The following TFG variants were observed in gnomAD, a reference collection of about 807,000 sequenced individuals.
TFG encodes trafficking from ER to golgi regulator.
TFG carries 22 observed loss-of-function variants against 51.4 expected under a neutral mutation model. That is an observed-to-expected ratio of 0.43 (90% CI 0.31 to 0.61). The LOEUF (loss-of-function observed/expected upper bound fraction) is 0.61, where lower values mean the gene tolerates loss of function less well. Among genes scored for constraint, TFG ranks in the 20% least tolerant of loss-of-function variants. The pLI, the probability that TFG is intolerant of heterozygous loss-of-function variation, is 0.12. For synonymous variants in TFG, 187 were observed against 165.6 expected (o/e 1.13, Z -0.99); for missense variants, 419 against 487.7 (o/e 0.86, Z 1.33).
chr3:100,722,759 G>C (rs1576361257), intron 3 of TFG, among the ~76,000 whole-genome samples: 1 of 152,252 alleles, frequency 6.6e-6, no homozygotes, highest in Middle Eastern at 3.4e-3. Context: ...TAGAAAAGTA[G>C]CATCCTATAC....
chr3:100,728,277 A>G (rs1559713440), intron 3 of TFG, among the ~76,000 whole-genome samples: 1 of 151,912 alleles, frequency 6.6e-6, no homozygotes, highest in African/African-American at 2.4e-5. Flanking sequence ...GTATTTTTGT[A>G]TTATTTTAAG....
At chr3:100,745,850 G>A (rs967210837) in intron 7 of TFG, among the ~76,000 whole-genome samples, 2 of 152,092 alleles carry the variant, frequency 1.3e-5, no homozygotes, top group African/African-American at 4.8e-5. Flanking sequence ...ATTCTCTACT[G>A]CTACTTGGGC....
chr3:100,729,457 A>G (rs928771467), intron 4 of TFG, among the ~76,000 whole-genome samples: 5 of 152,196 alleles, frequency 3.3e-5, no homozygotes, highest in African/African-American at 1.2e-4. Flanking sequence ...AACTGACATA[A>G]TTTTGGGACC....
chr3:100,738,909 G>A (rs2095113978), intron 6 of TFG, among the ~76,000 whole-genome samples: 1 of 152,118 alleles, frequency 6.6e-6, no homozygotes, highest in Non-Finnish European at 1.5e-5. Context: ...CTATTAAAAA[G>A]TTAATTTTTT....
At chr3:100,711,860 A>G (rs1295782218) in intron 1 of TFG, among the ~76,000 whole-genome samples, 1 of 152,158 alleles carries the variant, frequency 6.6e-6, no homozygotes, top group South Asian at 2.1e-4. Flanking sequence ...GAGTTGGCAC[A>G]TAGTAGGTAT....
intron 3 of TFG, among the ~76,000 whole-genome samples, chr3:100,721,012 G>A (rs72928997): frequency 0.016 from 2,467 of 151,782 alleles, 58 homozygotes; most frequent in African/African-American, 0.056. Context: ...GATTTAATTT[G>A]TATCTATTTC....
chr3:100,736,445 A>T (rs562124673), intron 5 of TFG, 131 bp from the exon 6 acceptor site: 2 of 940,256 alleles, frequency 2.1e-6, no homozygotes, highest in Non-Finnish European at 3.1e-6. Context: ...CATTTAATGT[A>T]AAAAGGCGTA....
intron 6 of TFG, among the ~76,000 whole-genome samples, chr3:100,741,778 G>C (rs2095121910): frequency 6.6e-6 from 1 of 152,016 alleles, no homozygotes; most frequent in Non-Finnish European, 1.5e-5. Flanking sequence ...TATTTTCACT[G>C]TACCTTTTTT....
At chr3:100,715,819 C>T (rs1340263480) in intron 2 of TFG, among the ~76,000 whole-genome samples, 1 of 151,968 alleles carries the variant, frequency 6.6e-6, no homozygotes, top group Non-Finnish European at 1.5e-5. Context: ...CTCCTGTCCC[C>T]AGGCAATACT....
chr3:100,725,033 A>G (rs577948114), intron 3 of TFG, among the ~76,000 whole-genome samples: 3 of 152,306 alleles, frequency 2.0e-5, no homozygotes, highest in Non-Finnish European at 4.4e-5. Flanking sequence ...CTTCCCGAGT[A>G]GCTGGGACTA....
At chr3:100,720,558 A>G (rs753951057) in intron 3 of TFG, among the ~76,000 whole-genome samples, 6 of 152,184 alleles carry the variant, frequency 3.9e-5, no homozygotes, top group Non-Finnish European at 8.8e-5. Flanking sequence ...GCAATTCACA[A>G]TAGGGTTCAC....
chr3:100,711,565 T>C (rs189113409), intron 1 of TFG, among the ~76,000 whole-genome samples: 1 of 152,242 alleles, frequency 6.6e-6, no homozygotes, highest in Non-Finnish European at 1.5e-5. Context: ...GGGTCGGATG[T>C]AAAAACTGAT....
intron 1 of TFG, among the ~76,000 whole-genome samples, chr3:100,711,823 C>G (rs1326053178): frequency 1.3e-5 from 2 of 152,154 alleles, no homozygotes; most frequent in Non-Finnish European, 2.9e-5. Context: ...GGAATATTTA[C>G]CATCTTGGTG....
At chr3:100,739,486 G>T (rs991357756) in intron 6 of TFG, among the ~76,000 whole-genome samples, 4 of 152,082 alleles carry the variant, frequency 2.6e-5, no homozygotes, top group Non-Finnish European at 5.9e-5. Context: ...AATGTAACTG[G>T]TAAGGAGAAG....
Position 100,744,603 on chromosome 3 carries a change from A to T in TFG, c.722-230A>T. On this transcript the variant is annotated intron_variant, in intron 6 of 7. Transcript: ENST00000240851. ...ATGAAATGGTAGCCACTGGTGTTGC[A>T]CTTAATGTTTATTGCCAGTTAGTTC... is the stretch of plus-strand genomic sequence containing the variant. 3 of 358,520 alleles carry T rather than the reference A, an allele frequency of 8.4e-6. No individual in the cohort carries two copies. The South Asian group carries it at 3.0e-4, about 36-fold the overall frequency. 22.2% of individuals were successfully genotyped at this position (358,520 alleles called of 1,614,324 possible).
intron 3 of TFG, among the ~76,000 whole-genome samples, chr3:100,725,622 C>CAAAAAA (rs763163559): frequency 8.4e-5 from 7 of 83,490 alleles, no homozygotes; most frequent in East Asian, 3.6e-4. Context: ...ACCAAAAATA[C>CAAAAAA]AAAAAAAAAA....
At chr3:100,713,423 A>C (rs2095036346) in intron 1 of TFG, among the ~76,000 whole-genome samples, 1 of 152,222 alleles carries the variant, frequency 6.6e-6, no homozygotes, top group Admixed American at 6.5e-5. Context: ...TCAGATGAAC[A>C]GTTAAATATG....
chr3:100,717,850 C>T (rs2095050495), intron 2 of TFG, among the ~76,000 whole-genome samples: 1 of 152,078 alleles, frequency 6.6e-6, no homozygotes, highest in African/African-American at 2.4e-5. Context: ...GCTTCCTTCC[C>T]AATTTGGATA....
chr3:100,717,785 A>G (rs968877966), intron 2 of TFG, among the ~76,000 whole-genome samples: 2 of 151,940 alleles, frequency 1.3e-5, no homozygotes, highest in African/African-American at 2.4e-5. Flanking sequence ...GTTTTGGTAG[A>G]GTTTTTAGGT....
Sources: allele counts gnomAD v4.1 joint callset (sites outside exome capture counted in the v4.1 genomes callset), GRCh38; gene constraint gnomAD v4.1.1; transcripts MANE v1.5; gene names NCBI Gene and HGNC (gene_info 2026-07-23, HGNC 2026-07-21).